Variants in MCPH1 observed in about 807,000 individuals in gnomAD.
The protein encoded by MCPH1 is microcephalin.
MCPH1 carries 104 observed loss-of-function variants against 84.5 expected under a neutral mutation model. That is an observed-to-expected ratio of 1.23 (90% confidence interval 1.05 to 1.45). MCPH1 has a LOEUF of 1.45. Among genes scored for constraint, MCPH1 ranks in the 40% most tolerant of loss-of-function variants. The probability of loss-of-function intolerance (pLI) is 0.00; values close to 1 mark genes in which losing one functional copy is unlikely to be tolerated. For synonymous variants in MCPH1, 514 were observed against 366.8 expected (o/e 1.40, Z -4.58); for missense variants, 1,498 against 1,005.7 (o/e 1.49, Z -6.62).
In MCPH1 at chr8:6,647,236, A is replaced by G. The variant is rs1433981870; in HGVS notation, c.*4187A>G. 6.6e-6 allele frequency: 1 copy of G among 152,224 alleles called. No homozygotes were observed. Among genetic ancestry groups the G allele is most frequent in the African/African-American group, 2.4e-5 (1 of 41,462 alleles). 9.4% of individuals were successfully genotyped at this position (152,224 alleles called of 1,614,324 possible). The stretch of plus-strand genomic sequence containing the variant: ...AGGCCCAATGAAATACCTATTACAC[A>G]CCCATTAGAATGACTGTAAACAACA... On this transcript the variant is annotated 3_prime_UTR_variant, in exon 14 of 14. Coordinates refer to ENST00000344683, the MANE Select transcript of MCPH1 (RefSeq NM_024596.5).
chr8:6,562,194 C>T (rs1269194405), intron 12 of MCPH1, among the ~76,000 whole-genome samples: 1 of 152,158 alleles, frequency 6.6e-6, no homozygotes, highest in Admixed American at 6.5e-5. Context: ...ATCCGTTATG[C>T]CTCGGTCATC....
chr8:6,513,712 G>C (rs755690432), intron 12 of MCPH1: 1 of 1,613,352 alleles, frequency 6.2e-7, no homozygotes, highest in East Asian at 2.2e-5. Context: ...AGATAGAAAT[G>C]TTCATACAAT....
intron 12 of MCPH1, among the ~76,000 whole-genome samples, chr8:6,515,899 A>G (rs572921790): frequency 1.1e-4 from 17 of 152,328 alleles, no homozygotes; most frequent in African/African-American, 4.1e-4. Flanking sequence ...AGAGAGTGCT[A>G]TTCCTGTTCT....
Position 6,640,059 on chromosome 8 carries a change from C to CGTGTGTGTGT in MCPH1, c.2453-2905_2453-2896dup, listed in dbSNP as rs147642349. Among the ~76,000 whole-genome samples, 666 of 134,262 alleles carry CGTGTGTGTGT rather than the reference C, an allele frequency of 5.0e-3. 7 individuals are homozygous for CGTGTGTGTGT. The highest frequency in any genetic ancestry group is 0.011 in the Middle Eastern group (3 of 278). The allele number at this position is 134,262 out of a possible 152,430, so 88.1% of individuals were successfully genotyped here. A position where few individuals can be genotyped will look rare whatever the true frequency, so the allele number is the denominator to read the frequency against. ...CGGCTGGCTTCTGCTATTTTAAACTCGTGTGTGTGTGTGTGTGTGTGTGTG... is the reference window on the plus strand; with the variant it reads ...CGGCTGGCTTCTGCTATTTTAAACTCGTGTGTGTGTGTGTGTGTGTGTGTGTGTGTGTGTG... On this transcript the variant is annotated intron_variant, in intron 13 of 13. Transcript: ENST00000344683.
chr8:6,480,866 C>G lies in MCPH1; in HGVS notation c.2126C>G (p.Ser709Cys). ...LGIARGCWVL[S>C]YDWVLWSLEL... is the part of the protein sequence containing the mutation. ...ATTGCGCGTGGCTGCTGGGTTCTCTCTTATGATTGGGTAAGCCCTGTGTGT... is the reference window on the plus strand; with the variant it reads ...ATTGCGCGTGGCTGCTGGGTTCTCTGTTATGATTGGGTAAGCCCTGTGTGT... Residue 709 changes from serine (S) to cysteine (C), a missense_variant, in exon 11 of 14, where the codon TCT becomes TGT. Physicochemically the swap from Ser to Cys is moderately radical, Grantham distance 112 (BLOSUM62 -1). Transcript: ENST00000344683. 6.2e-7 allele frequency: 1 copy of G among 1,614,082 alleles called. No homozygotes were observed. The highest frequency in any genetic ancestry group is 8.5e-7 in the Non-Finnish European group (1 of 1,180,034).
chr8:6,600,685 C>T (rs1459667211), intron 12 of MCPH1, among the ~76,000 whole-genome samples: 1 of 152,218 alleles, frequency 6.6e-6, no homozygotes, highest in African/African-American at 2.4e-5. Context: ...GACTAAATAA[C>T]ACTGAACAAA....
chr8:6,519,273 A>G (rs1171380669), intron 12 of MCPH1, among the ~76,000 whole-genome samples: 1 of 152,134 alleles, frequency 6.6e-6, no homozygotes, highest in Non-Finnish European at 1.5e-5. Flanking sequence ...TCACGATGCT[A>G]AGACACCACC....
chr8:6,519,152 C>G (rs1237916728), intron 12 of MCPH1, among the ~76,000 whole-genome samples: 1 of 152,190 alleles, frequency 6.6e-6, no homozygotes, highest in African/African-American at 2.4e-5. Flanking sequence ...GTCTTCCAGA[C>G]TGCGTTAGAT....
intron 13 of MCPH1, among the ~76,000 whole-genome samples, chr8:6,641,118 A>G (rs886747480): frequency 6.6e-6 from 1 of 152,134 alleles, no homozygotes. Flanking sequence ...TATAAACTTT[A>G]GAATAAACAT....
rs557467026 is a variant in MCPH1, at chr8:6,450,648, G to C, written c.1826-4495G>C. On this transcript the variant is annotated intron_variant, in intron 8 of 13. Transcript: ENST00000344683. ...CATCCATTATGCTGATTAACAAGCTGATGATGTCACCGATAACCACTCATT... is the reference window on the plus strand; with the variant it reads ...CATCCATTATGCTGATTAACAAGCTCATGATGTCACCGATAACCACTCATT... 5.3e-5 allele frequency among the ~76,000 whole-genome samples: 8 copies of C among 151,962 alleles called. No individual in the cohort carries two copies. In the South Asian group the frequency reaches 1.7e-3, roughly 32 times the overall value.
At chr8:6,415,295 C>CTTTTTTTTT (rs55718615) in intron 3 of MCPH1, among the ~76,000 whole-genome samples, 4,555 of 145,190 alleles carry the variant, frequency 0.031, 244 homozygotes, top group African/African-American at 0.1. Flanking sequence ...TTGGTATCTT[C>CTTTTTTTTT]TTTTTTTTTT....
chr8:6,627,088 T>C (rs1796784724), intron 13 of MCPH1: 6 of 985,414 alleles, frequency 6.1e-6, no homozygotes, highest in South Asian at 9.4e-5. Context: ...AAAGATCCGA[T>C]AGCATGCAGG....
At chr8:6,452,467 A>C (rs1338877758) in intron 8 of MCPH1, among the ~76,000 whole-genome samples, 2 of 152,196 alleles carry the variant, frequency 1.3e-5, no homozygotes, top group African/African-American at 4.8e-5. Flanking sequence ...TGTGTGTGTA[A>C]TGAGGTTGGG....
chr8:6,588,005 G>A (rs1240591584), intron 12 of MCPH1, among the ~76,000 whole-genome samples: 1 of 152,204 alleles, frequency 6.6e-6, no homozygotes, highest in African/African-American at 2.4e-5. Context: ...TTTGTCTTAA[G>A]CTGTCTGAAG....
chr8:6,544,885 A>C (rs1447148323), intron 12 of MCPH1, among the ~76,000 whole-genome samples: 1 of 152,144 alleles, frequency 6.6e-6, no homozygotes, highest in Non-Finnish European at 1.5e-5. Flanking sequence ...TGAACCTGCT[A>C]ACATCAGATT....
chr8:6,458,636 ATTTAT>A (rs1354865003), intron 9 of MCPH1, among the ~76,000 whole-genome samples: 1 of 152,100 alleles, frequency 6.6e-6, no homozygotes, highest in Non-Finnish European at 1.5e-5. Context: ...GTAACATTAA[ATTTAT>A]TTTATTTTAT....
chr8:6,637,162 T>G (rs1797614240), intron 13 of MCPH1, among the ~76,000 whole-genome samples: 1 of 152,258 alleles, frequency 6.6e-6, no homozygotes, highest in South Asian at 2.1e-4. Flanking sequence ...TCCTAGGCAC[T>G]GCAGGTACAG....
At chr8:6,592,253 G>C (rs956167531) in intron 12 of MCPH1, among the ~76,000 whole-genome samples, 2 of 152,020 alleles carry the variant, frequency 1.3e-5, no homozygotes, top group African/African-American at 4.8e-5. Context: ...TCGGGCTCAA[G>C]TGATCCTCCC....
chr8:6,433,630 CAAAAAAAAAAAAAAA>C (rs60661127), intron 4 of MCPH1, among the ~76,000 whole-genome samples: 1 of 40,896 alleles, frequency 2.4e-5, no homozygotes, highest in Non-Finnish European at 5.1e-5. Flanking sequence ...GGCTCTGTCT[CAAAAAAAAAAAAAAA>C]AAAAAAAAAA....
Sources: gnomAD v4.1 joint callset for allele counts (sites outside exome capture counted in the v4.1 genomes callset) on GRCh38, gnomAD v4.1.1 for gene constraint, MANE v1.5 for transcripts, NCBI Gene and HGNC (gene_info 2026-07-23, HGNC 2026-07-21) for gene names.